EEA1: variants seen among roughly 807,000 people sequenced by gnomAD.
EEA1 encodes early endosome antigen 1, also known as early endosome antigen 1, 162kD.
EEA1 carries 111 observed loss-of-function variants against 209.2 expected under a neutral mutation model. The ratio of observed to expected loss-of-function variants is 0.53; its 90% CI spans 0.45 to 0.62. The LOEUF is 0.62. Ranked by LOEUF, EEA1 falls within the 20% of genes least tolerant of loss-of-function variation. The pLI is 0.00. For missense variants in EEA1, 1,343 were observed against 1,530.8 expected (o/e 0.88, Z 2.05); for synonymous variants, 536 against 540.6 (o/e 0.99, Z 0.12).
intron 15 of EEA1, among the ~76,000 whole-genome samples, chr12:92,815,809 C>G (rs993944822): frequency 6.6e-6 from 1 of 151,846 alleles, no homozygotes; most frequent in Non-Finnish European, 1.5e-5. Flanking sequence ...TAATATCTAA[C>G]TAATTTGAAT....
At chr12:92,802,770 A>T in intron 18 of EEA1, 36 bp from the exon 19 acceptor site, 1 of 1,416,972 alleles carries the variant, frequency 7.1e-7, no homozygotes, top group Non-Finnish European at 9.4e-7. Context: ...TAAATAACAC[A>T]TAATTTACCA....
At chr12:92,921,347 C>T (rs11503356) in intron 1 of EEA1, among the ~76,000 whole-genome samples, 9,433 of 118,784 alleles carry the variant, frequency 0.079, 438 homozygotes, top group South Asian at 0.16. Context: ...TTGGAACCAA[C>T]CCAAATGTCC....
chr12:92,879,954 A>G (rs986774838), intron 2 of EEA1, among the ~76,000 whole-genome samples: 1 of 152,204 alleles, frequency 6.6e-6, no homozygotes, highest in South Asian at 2.1e-4. Context: ...GACTTATCCA[A>G]ACAATCCAAT....
At chr12:92,898,048 T>TA (rs1459124866) in intron 1 of EEA1, among the ~76,000 whole-genome samples, 2 of 152,288 alleles carry the variant, frequency 1.3e-5, no homozygotes, top group African/African-American at 4.8e-5. Flanking sequence ...AAGCCCGCAA[T>TA]ATCTCCAAGA....
chr12:92,926,036 C>G (rs1881201272), intron 1 of EEA1, among the ~76,000 whole-genome samples: 1 of 149,266 alleles, frequency 6.7e-6, no homozygotes, highest in Non-Finnish European at 1.5e-5. Flanking sequence ...TCTTGTTGCT[C>G]AGGCTGGAGT....
At chr12:92,803,674 A>T (rs1875047029) in intron 18 of EEA1, among the ~76,000 whole-genome samples, 1 of 152,076 alleles carries the variant, frequency 6.6e-6, no homozygotes. Context: ...TCGAAATCTA[A>T]TTTTTTAGTT....
Position 92,778,010 on chromosome 12 carries a change from CG to C in EEA1, c.3823del (p.Arg1275GlyfsTer7). On this transcript the variant is annotated frameshift_variant, in exon 26 of 29. Coordinates refer to ENST00000322349, the MANE Select transcript of EEA1 (RefSeq NM_003566.4). LOFTEE classifies it high-confidence loss of function. ...TGCTTCTAATACTGCAATTTCACCCCGTAAGTCATCCGTTTGTTTCTCAAGC... is the reference window on the plus strand; with the variant it reads ...TGCTTCTAATACTGCAATTTCACCCCTAAGTCATCCGTTTGTTTCTCAAGC... Reference protein sequence around the residue: ...SELEKQTDDLRGEIAVLEATV... With the variant: ...SELEKQTDDLXGEIAVLEATV... 6.2e-7 allele frequency: 1 copy of C among 1,613,402 alleles called. No individual in the cohort carries two copies. The highest frequency in any genetic ancestry group is 8.5e-7 in the Non-Finnish European group (1 of 1,179,550).
intron 1 of EEA1, among the ~76,000 whole-genome samples, chr12:92,896,879 A>G (rs900250957): frequency 2.6e-5 from 4 of 152,200 alleles, no homozygotes; most frequent in Admixed American, 2.0e-4. Flanking sequence ...TCCACAAGCA[A>G]AAAGATTATG....
At chr12:92,917,491 G>C (rs978059559) in intron 1 of EEA1, among the ~76,000 whole-genome samples, 3 of 150,144 alleles carry the variant, frequency 2.0e-5, no homozygotes, top group African/African-American at 7.3e-5. Context: ...ATCCAGCCAA[G>C]CTAAGCTTCA....
chr12:92,848,889 C>T (rs74598538), intron 9 of EEA1, among the ~76,000 whole-genome samples: 2,816 of 152,030 alleles, frequency 0.019, 96 homozygotes, highest in African/African-American at 0.063. Context: ...CGTGCCAGCA[C>T]GTCTGGCTAA....
At chr12:92,859,413 A>C in intron 3 of EEA1, 1 of 609,732 alleles carries the variant, frequency 1.6e-6, no homozygotes, top group South Asian at 2.0e-5. Flanking sequence ...CTAGTCAATG[A>C]CATGAATTTT....
chr12:92,829,579 G>A (rs984433708), intron 11 of EEA1, among the ~76,000 whole-genome samples: 1 of 151,912 alleles, frequency 6.6e-6, no homozygotes, highest in Non-Finnish European at 1.5e-5. Flanking sequence ...AAGAGTTCGA[G>A]ACCAGCCTGG....
chr12:92,802,373 C>G (rs766729803), intron 19 of EEA1, 31 bp downstream of exon 19: 1 of 1,517,006 alleles, frequency 6.6e-7, no homozygotes, highest in African/African-American at 1.4e-5. Flanking sequence ...ATAATCACTT[C>G]TACCTAAGAA....
Position 92,770,996 on chromosome 12 carries a change from G to GGGGT in EEA1, c.*5014_*5015insACCC, listed in dbSNP as rs1555197096. On this transcript the variant is annotated 3_prime_UTR_variant, in exon 29 of 29. Coordinates refer to ENST00000322349, the MANE Select transcript of EEA1 (RefSeq NM_003566.4). ...ATAAAAATACTTTCTGGTTTTGATT[G>GGGGT]GTGTGTGTGTGTGTGTGTGTGTGTG... 13 of 150,264 alleles carry GGGGT rather than the reference G, an allele frequency of 8.7e-5. No individual in the cohort carries two copies. Among genetic ancestry groups the GGGGT allele is most frequent in the Non-Finnish European group, 1.8e-4 (12 of 67,418 alleles). The allele number at this position is 150,264 out of a possible 1,614,324, so 9.3% of individuals were successfully genotyped here.
rs200176127 is a variant in EEA1, at chr12:92,816,442, A to G, written c.1729-42T>C. The stretch of plus-strand genomic sequence containing the variant: ...ACTAATCGTGAAGTTCACAAATGAC[A>G]TAACAAAAATTCAGAAACCTAAATT... On this transcript the variant is annotated intron_variant, in intron 14 of 28. Coordinates refer to ENST00000322349, the MANE Select transcript of EEA1 (RefSeq NM_003566.4). 32 of 1,565,318 alleles carry G rather than the reference A, an allele frequency of 2.0e-5. No individual in the cohort carries two copies. In the Admixed American group the frequency reaches 2.5e-4, roughly 12 times the overall value.
intron 10 of EEA1, among the ~76,000 whole-genome samples, chr12:92,841,409 A>AT (rs1411123878): frequency 6.6e-6 from 1 of 152,200 alleles, no homozygotes; most frequent in Non-Finnish European, 1.5e-5. Context: ...TTTAGCAATG[A>AT]TTTTTTGGAT....
intron 2 of EEA1, among the ~76,000 whole-genome samples, chr12:92,869,132 A>G (rs1318046115): frequency 6.6e-6 from 1 of 152,170 alleles, no homozygotes; most frequent in Non-Finnish European, 1.5e-5. Context: ...TTGAAAACCA[A>G]TTTGATATAA....
intron 1 of EEA1, among the ~76,000 whole-genome samples, chr12:92,904,142 G>T (rs1315325624): frequency 1.3e-5 from 2 of 151,980 alleles, no homozygotes; most frequent in African/African-American, 4.8e-5. Context: ...TGTATTTTTA[G>T]TAGAGACGGG....
intron 2 of EEA1, among the ~76,000 whole-genome samples, chr12:92,874,529 C>G (rs1026248195): frequency 1.3e-5 from 2 of 152,120 alleles, no homozygotes; most frequent in Admixed American, 6.5e-5. Context: ...CCAGGCCTGG[C>G]TAATTTTTGT....
Sources: allele counts gnomAD v4.1 joint callset (sites outside exome capture counted in the v4.1 genomes callset), GRCh38; gene constraint gnomAD v4.1.1; transcripts MANE v1.5; gene names NCBI Gene and HGNC (gene_info 2026-07-23, HGNC 2026-07-21).